The following ZNF469 variants were observed in gnomAD, a reference collection of about 807,000 sequenced individuals.
The protein encoded by ZNF469 is zinc finger protein 469.
In ZNF469, 1 loss-of-function variant was observed where a neutral mutation model predicts 1.0. The ratio of observed to expected loss-of-function variants is 1.00; its 90% CI spans 0.35 to 4.73. The LOEUF is 4.73. Among genes scored for constraint, ZNF469 ranks in the 30% most tolerant of loss-of-function variants. The pLI is 0.16. For missense variants in ZNF469, 6,100 were observed against 5,356.3 expected (o/e 1.14, Z -4.33); for synonymous variants, 2,703 against 2,363.4 (o/e 1.14, Z -4.17).
chr16:88,363,518 G>A, the ZNF469 span, among the ~76,000 whole-genome samples: 1 of 152,192 alleles, frequency 6.6e-6, no homozygotes, highest in South Asian at 2.1e-4. Context: ...TGTGGCTTGG[G>A]GGAGTCAGCC....
the ZNF469 span, among the ~76,000 whole-genome samples, chr16:88,144,336 C>A: frequency 2.0e-5 from 3 of 152,194 alleles, no homozygotes; most frequent in Non-Finnish European, 4.4e-5. Context: ...ATGCCATAAC[C>A]AGAATAAAAC....
Position 88,433,832 on chromosome 16 carries a change from C to T in ZNF469, c.6362C>T (p.Ala2121Val), listed in dbSNP as rs1416655581. 6.5e-7 allele frequency: 1 copy of T among 1,549,856 alleles called. No homozygotes were observed. The highest frequency in any genetic ancestry group is 8.7e-7 in the Non-Finnish European group (1 of 1,146,780). Residue 2121 changes from alanine (A) to valine (V), a missense_variant, in exon 3 of 3, where the codon GCC becomes GTC. Ala to Val is a moderately conservative substitution (Grantham distance 64, BLOSUM62 0). Coordinates refer to ENST00000565624, the MANE Select transcript of ZNF469 (RefSeq NM_001367624.2). ...AACAPSPTSA[A>V]HMPCSLGPLP... is the part of the protein sequence containing the mutation. ...TGCGCCCCCTCACCCACTTCAGCCG[C>T]CCACATGCCCTGCAGCCTTGGGCCC...
At chr16:88,360,166 G>A in the ZNF469 span, among the ~76,000 whole-genome samples, 1 of 149,074 alleles carries the variant, frequency 6.7e-6, no homozygotes, top group Non-Finnish European at 1.5e-5. Flanking sequence ...GATTACAGGT[G>A]CACACCATCA....
At chr16:88,223,263 T>A in the ZNF469 span, among the ~76,000 whole-genome samples, 1 of 152,218 alleles carries the variant, frequency 6.6e-6, no homozygotes, top group Non-Finnish European at 1.5e-5. Flanking sequence ...AGTGAATAAG[T>A]CTCATGCGAT....
chr16:88,117,574 G>A, the ZNF469 span, among the ~76,000 whole-genome samples: 1,058 of 151,780 alleles, frequency 7.0e-3, 14 homozygotes, highest in African/African-American at 0.024. Context: ...GTGCCTTCAC[G>A]GACCGTGGAG....
Position 88,433,402 on chromosome 16 carries a change from G to C in ZNF469, c.5932G>C (p.Glu1978Gln). Residue 1978 changes from glutamate (E) to glutamine (Q), a missense_variant, in exon 3 of 3, where the codon GAG becomes CAG. Transcript: ENST00000565624. ...AGTGGCCGGACATCAGCTGGGGCTG[G>C]AGGCAGATGGACATTGGGGCTTGCT... Reference protein sequence around the residue: ...PAVAGHQLGLEADGHWGLLGQ... With the variant: ...PAVAGHQLGLQADGHWGLLGQ... The C allele has an allele frequency of 6.5e-7, 1 of 1,550,366 alleles. No individual in the cohort carries two copies. The highest frequency in any genetic ancestry group is 8.7e-7 in the Non-Finnish European group (1 of 1,146,960).
upstream of ZNF469, among the ~76,000 whole-genome samples, chr16:88,378,703 G>C (rs2092514700): frequency 6.6e-6 from 1 of 152,202 alleles, no homozygotes; most frequent in African/African-American, 2.4e-5. Context: ...CAGCACCTGG[G>C]ACAGGCTCGA....
chr16:88,222,904 G>A, the ZNF469 span, among the ~76,000 whole-genome samples: 28 of 152,328 alleles, frequency 1.8e-4, no homozygotes, highest in South Asian at 5.4e-3. Context: ...CATCCCAAAG[G>A]ATTATTTTTG....
the ZNF469 span, among the ~76,000 whole-genome samples, chr16:88,322,411 C>T: frequency 7.9e-5 from 12 of 152,388 alleles, no homozygotes; most frequent in African/African-American, 2.6e-4. Flanking sequence ...TCGGGAGCCC[C>T]GCCCTGCCTG....
the ZNF469 span, among the ~76,000 whole-genome samples, chr16:88,322,396 C>T: frequency 6.6e-5 from 10 of 152,242 alleles, no homozygotes; most frequent in African/African-American, 2.2e-4. Context: ...CCTGCTCTCG[C>T]GGTCTCGGGA....
chr16:88,420,522 G>GA (rs1342940413), intron 1 of ZNF469, among the ~76,000 whole-genome samples: 5 of 152,232 alleles, frequency 3.3e-5, no homozygotes, highest in African/African-American at 1.2e-4. Context: ...CAGTGCAGCC[G>GA]AGTGTGCAGG....
At chr16:88,288,501 T>G in the ZNF469 span, among the ~76,000 whole-genome samples, 3 of 152,254 alleles carry the variant, frequency 2.0e-5, no homozygotes, top group Non-Finnish European at 2.9e-5. Flanking sequence ...ATGATATTTA[T>G]TGCATCACTC....
the ZNF469 span, among the ~76,000 whole-genome samples, chr16:88,245,966 G>A: frequency 4.6e-5 from 7 of 152,282 alleles, no homozygotes; most frequent in African/African-American, 1.7e-4. Flanking sequence ...TGGAATGGTT[G>A]CTTTGGCTCA....
the ZNF469 span, among the ~76,000 whole-genome samples, chr16:88,306,177 T>C: frequency 4.6e-5 from 7 of 152,198 alleles, no homozygotes; most frequent in Non-Finnish European, 1.0e-4. Context: ...CTGTCCATGG[T>C]TTACTAATGA....
the ZNF469 span, among the ~76,000 whole-genome samples, chr16:88,357,181 G>T: frequency 6.6e-6 from 1 of 152,260 alleles, no homozygotes; most frequent in East Asian, 1.9e-4. Context: ...CTGGGACGAT[G>T]ACAGAGCCCT....
At chr16:88,264,294 C>G in the ZNF469 span, among the ~76,000 whole-genome samples, 2 of 151,978 alleles carry the variant, frequency 1.3e-5, no homozygotes, top group African/African-American at 4.8e-5. Flanking sequence ...CCTAGGCTGG[C>G]CACCCCTCAT....
chr16:88,396,032 G>A (rs1036633866), intron 1 of ZNF469, among the ~76,000 whole-genome samples: 13 of 152,214 alleles, frequency 8.5e-5, no homozygotes, highest in African/African-American at 2.9e-4. Context: ...GTCTGAGGGC[G>A]GACACGGGAC....
chr16:88,372,951 TCACCATCATCAC>T, the ZNF469 span, among the ~76,000 whole-genome samples: 2 of 151,922 alleles, frequency 1.3e-5, no homozygotes, highest in East Asian at 3.9e-4. Context: ...TTTACCATCA[TCACCATCATCAC>T]CACCATCATC....
At chr16:88,143,650 G>A in the ZNF469 span, among the ~76,000 whole-genome samples, 4 of 152,244 alleles carry the variant, frequency 2.6e-5, no homozygotes, top group Non-Finnish European at 4.4e-5. Context: ...TGCTGCCTTT[G>A]TGTCTGACGT....
Sources: allele counts gnomAD v4.1 joint callset (sites outside exome capture counted in the v4.1 genomes callset), GRCh38; gene constraint gnomAD v4.1.1; transcripts MANE v1.5; gene names NCBI Gene and HGNC (gene_info 2026-07-23, HGNC 2026-07-21).